Variants in IPCEF1 observed in about 807,000 individuals in gnomAD.
The protein encoded by IPCEF1 is interactor protein for cytohesin exchange factors 1.
IPCEF1 carries 31 observed loss-of-function variants against 50.9 expected under a neutral mutation model. The ratio of observed to expected loss-of-function variants is 0.61; its 90% confidence interval spans 0.46 to 0.82. The LOEUF is 0.82. Among genes scored for constraint, IPCEF1 ranks in the 40% least tolerant of loss-of-function variants. The pLI is 0.00. For synonymous variants in IPCEF1, 181 were observed against 192.0 expected, an observed-to-expected ratio of 0.94 and a Z score of 0.47; for missense variants, 458 against 514.0, an observed-to-expected ratio of 0.89 and a Z score of 1.05.
intron 3 of IPCEF1, among the ~76,000 whole-genome samples, chr6:154,250,529 A>C (rs1310359206): frequency 3.9e-5 from 6 of 152,242 alleles, no homozygotes; most frequent in Non-Finnish European, 7.3e-5. Context: ...ACTTTTTAAA[A>C]GATGGTTCAA....
At position 154,182,365 on chromosome 6, in the gene IPCEF1, G is replaced by T. The variant is rs138826315; in HGVS notation, c.911-14252C>A. Among the ~76,000 whole-genome samples the T allele has an allele frequency of 9.0e-3, 1,375 of 152,176 alleles. 9 individuals carry two copies. The highest frequency in any genetic ancestry group is 0.014 in the Non-Finnish European group (930 of 68,004). Reference sequence around the variant, plus strand: ...CCTAGTCTATTGGGTGATCTTTAATGGTTGTTTTGCTGTTGTTATTATTGA... The same window carrying T: ...CCTAGTCTATTGGGTGATCTTTAATTGTTGTTTTGCTGTTGTTATTATTGA... On this transcript the variant is annotated intron_variant, in intron 10 of 11. Transcript: ENST00000367220.
rs1443982108 is a variant in IPCEF1, at chr6:154,261,245, T to G, written c.36+4667A>C. Among the ~76,000 whole-genome samples the G allele has an allele frequency of 5.3e-5, 8 of 152,254 alleles. 1 individual carries two copies. The Middle Eastern group carries it at 0.017, about 324-fold the overall frequency. On this transcript the variant is annotated intron_variant, in intron 3 of 11. Coordinates refer to ENST00000367220, the MANE Select transcript of IPCEF1 (RefSeq NM_001130700.2). The stretch of plus-strand genomic sequence containing the variant: ...CTCCCTATGTTGCCCAGGGCTGGTC[T>G]CGAACTCCTGGCCTCAAGTGATCTT...
intron 10 of IPCEF1, among the ~76,000 whole-genome samples, chr6:154,191,564 C>T (rs764656745): frequency 6.6e-6 from 1 of 151,938 alleles, no homozygotes; most frequent in Non-Finnish European, 1.5e-5. Flanking sequence ...GTCCTAGCTA[C>T]TTGGGAGGCT....
chr6:154,344,046 A>G (rs553314826), intron 1 of IPCEF1, among the ~76,000 whole-genome samples: 3 of 152,218 alleles, frequency 2.0e-5, no homozygotes, highest in African/African-American at 7.2e-5. Context: ...AGTCAAACCA[A>G]TCCCCTGAGC....
intron 1 of IPCEF1, among the ~76,000 whole-genome samples, chr6:154,310,946 A>C (rs1783063545): frequency 6.6e-6 from 1 of 152,174 alleles, no homozygotes; most frequent in South Asian, 2.1e-4. Flanking sequence ...ATTGCACTGC[A>C]TGGTGAACAC....
At position 154,159,479 on chromosome 6, in the gene IPCEF1, C is replaced by A; in HGVS notation, c.*349G>T. 4.0e-6 allele frequency: 1 copy of A among 248,518 alleles called. No homozygotes were observed. Among genetic ancestry groups the A allele is most frequent in the South Asian group, 6.3e-5 (1 of 15,930 alleles). The allele number at this position is 248,518 out of a possible 1,614,324, so 15.4% of individuals were successfully genotyped here. On this transcript the variant is annotated 3_prime_UTR_variant, in exon 12 of 12. Transcript: ENST00000367220. Reference sequence around the variant, plus strand: ...AGAATGTTTCCATGGGCAATTACTCCTGGTAAAATTTGATTCTTGTCCATA... The same window carrying A: ...AGAATGTTTCCATGGGCAATTACTCATGGTAAAATTTGATTCTTGTCCATA...
At chr6:154,335,820 A>G (rs1442240884) in intron 1 of IPCEF1, among the ~76,000 whole-genome samples, 2 of 152,180 alleles carry the variant, frequency 1.3e-5, no homozygotes, top group Non-Finnish European at 2.9e-5. Flanking sequence ...AAATAATCTC[A>G]TTAAAAATGA....
chr6:154,168,393 A>G lies in IPCEF1; in HGVS notation c.911-280T>C, dbSNP rs1202453946. ...TTTTGGTTTGTGGCAGTATAACTCC[A>G]ATATTCACATGGGGTGTTCCCTGCA... On this transcript the variant is annotated intron_variant, in intron 10 of 11. Transcript: ENST00000367220. The surrounding 1 kb of genome is among the most constrained non-coding windows in gnomAD (Gnocchi z 4.1). Among the ~76,000 whole-genome samples the G allele has an allele frequency of 1.3e-5, 2 of 152,008 alleles. No homozygotes were observed. Among genetic ancestry groups the G allele is most frequent in the African/African-American group, 4.8e-5 (2 of 41,372 alleles).
At chr6:154,339,841 AC>A in intron 1 of IPCEF1, among the ~76,000 whole-genome samples, 1 of 150,648 alleles carries the variant, frequency 6.6e-6, no homozygotes, top group African/African-American at 2.5e-5. Context: ...CAAGCGAGCC[AC>A]CCCCCTCACC....
At chr6:154,268,802 C>A (rs1009650306) in intron 2 of IPCEF1, among the ~76,000 whole-genome samples, 2 of 151,052 alleles carry the variant, frequency 1.3e-5, no homozygotes, top group African/African-American at 2.4e-5. Context: ...ATTTCAGAGC[C>A]TTGGTGCATG....
At chr6:154,198,639 C>A (rs568295075) in intron 10 of IPCEF1, among the ~76,000 whole-genome samples, 1 of 150,516 alleles carries the variant, frequency 6.6e-6, no homozygotes, top group Non-Finnish European at 1.5e-5. Flanking sequence ...CATACACACA[C>A]ACACACACAC....
chr6:154,307,695 T>C (rs549678886), intron 1 of IPCEF1, among the ~76,000 whole-genome samples: 1 of 152,244 alleles, frequency 6.6e-6, no homozygotes, highest in Admixed American at 6.5e-5. Context: ...AGACAATTTA[T>C]TTAGATTTCG....
intron 1 of IPCEF1, among the ~76,000 whole-genome samples, chr6:154,313,067 C>CTAAAAAAA (rs1783120396): frequency 1.7e-5 from 1 of 59,062 alleles, no homozygotes; most frequent in Non-Finnish European, 2.6e-5. Context: ...GGCCCTGTCT[C>CTAAAAAAA]AAAAAAAAAA....
chr6:154,274,657 G>A (rs1029675511), intron 2 of IPCEF1, among the ~76,000 whole-genome samples: 21 of 152,272 alleles, frequency 1.4e-4, no homozygotes, highest in African/African-American at 5.1e-4. Flanking sequence ...TTGTCCTTCT[G>A]TGGGACTCCT....
intron 2 of IPCEF1, among the ~76,000 whole-genome samples, chr6:154,275,349 A>G (rs1034099625): frequency 3.3e-5 from 5 of 152,194 alleles, no homozygotes. Context: ...CAAGGTATCA[A>G]TTATGAGGCC....
intron 10 of IPCEF1, among the ~76,000 whole-genome samples, chr6:154,193,665 C>A (rs1802131607): frequency 2.6e-5 from 4 of 151,942 alleles, no homozygotes. Context: ...AATTGAAGAC[C>A]CCTCTGATAA....
chr6:154,310,721 A>G (rs941174693), intron 1 of IPCEF1, among the ~76,000 whole-genome samples: 9 of 152,256 alleles, frequency 5.9e-5, no homozygotes, highest in African/African-American at 2.2e-4. Flanking sequence ...GAATTGAAGG[A>G]CATTATGCTA....
chr6:154,247,324 G>A, intron 4 of IPCEF1, 125 bp downstream of exon 4: 1 of 707,120 alleles, frequency 1.4e-6, no homozygotes, highest in Admixed American at 2.4e-5. Flanking sequence ...AAATTAATCT[G>A]CCGTCCACCT....
intron 10 of IPCEF1, among the ~76,000 whole-genome samples, chr6:154,182,127 G>A (rs989496863): frequency 1.3e-5 from 2 of 152,118 alleles, no homozygotes; most frequent in African/African-American, 2.4e-5. Flanking sequence ...GAGAAAGAGA[G>A]AGAGAACACC....
Sources: allele counts gnomAD v4.1 joint callset (sites outside exome capture counted in the v4.1 genomes callset), GRCh38; gene constraint gnomAD v4.1.1; non-coding constraint Gnocchi (gnomAD v3.1); transcripts MANE v1.5; gene names NCBI Gene and HGNC (gene_info 2026-07-23, HGNC 2026-07-21).